Variants in COL6A6 observed in about 807,000 individuals in gnomAD.
The protein encoded by COL6A6 is collagen alpha-6(VI) chain.
COL6A6 carries 183 observed loss-of-function variants against 208.6 expected under a neutral mutation model. That is an observed-to-expected ratio of 0.88 (90% CI 0.78 to 0.99). The LOEUF is 0.99. Among genes scored for constraint, COL6A6 ranks in the 50% least tolerant of loss-of-function variants. COL6A6 has a pLI of 0.00. For missense variants in COL6A6, 2,816 were observed against 2,815.2 expected, an observed-to-expected ratio of 1.00 and a Z score of -0.01; for synonymous variants, 973 against 1,011.8, an observed-to-expected ratio of 0.96 and a Z score of 0.73.
chr3:130,565,319 T>A lies in COL6A6; in HGVS notation c.987T>A (p.Asn329Lys). ...GTGCACGGAATGGCAGTCGGAAGAATCAGGGGGTGCCCCAGATTGCCGTGC... is the reference window on the plus strand; with the variant it reads ...GTGCACGGAATGGCAGTCGGAAGAAACAGGGGGTGCCCCAGATTGCCGTGC... ...VFSARNGSRK[N>K]QGVPQIAVLV... Residue 329 changes from asparagine (N) to lysine (K), a missense_variant, in exon 4 of 37, where the codon AAT becomes AAA. Transcript: ENST00000358511. 6.2e-7 allele frequency: 1 copy of A among 1,613,952 alleles called. No homozygotes were observed. The highest frequency in any genetic ancestry group is 8.5e-7 in the Non-Finnish European group (1 of 1,179,880).
Position 130,517,357 on chromosome 3 carries a change from T to C in COL6A6, c.-72T>C, listed in dbSNP as rs1483669283. Among the ~76,000 whole-genome samples, 3 of 152,228 alleles carry C rather than the reference T, an allele frequency of 2.0e-5. No homozygotes were observed. Among genetic ancestry groups the C allele is most frequent in the Non-Finnish European group, 4.4e-5 (3 of 68,034 alleles). On this transcript the variant is annotated 5_prime_UTR_variant, in exon 1 of 37. Transcript: ENST00000358511. ...TCCAGAGGAAATCCGCCCCGGGCTT[T>C]CGAAGTGCAGGGCTGGGGGCTGCAT...
chr3:130,576,851 A>G (rs892736311), intron 8 of COL6A6, among the ~76,000 whole-genome samples: 21 of 152,198 alleles, frequency 1.4e-4, no homozygotes, highest in Admixed American at 5.2e-4. Context: ...ATCCCAAAAC[A>G]AGGAAATCAG....
chr3:130,546,600 G>C (rs190971814), intron 1 of COL6A6, among the ~76,000 whole-genome samples: 2 of 152,306 alleles, frequency 1.3e-5, no homozygotes, highest in East Asian at 3.9e-4. Flanking sequence ...AGAGCTGATT[G>C]GTCCATTTTA....
At chr3:130,526,935 T>C (rs1052657458) in intron 1 of COL6A6, among the ~76,000 whole-genome samples, 1 of 152,188 alleles carries the variant, frequency 6.6e-6, no homozygotes, top group Admixed American at 6.5e-5. Context: ...GATAAATACA[T>C]AAACTAAAAC....
chr3:130,610,720 T>C lies in COL6A6; in HGVS notation c.4815+9T>C. On this transcript the variant is annotated intron_variant, in intron 23 of 36. Transcript: ENST00000358511. ...GAAGTAAAGGTCCCCAGGTATGTAA[T>C]GAGAAAAATGATTGCATCTGACTTT... The C allele has an allele frequency of 6.4e-7, 1 of 1,561,882 alleles. No individual in the cohort carries two copies. Among genetic ancestry groups the C allele is most frequent in the South Asian group, 1.2e-5 (1 of 84,410 alleles).
chr3:130,576,154 C>T (rs962234655), intron 8 of COL6A6, among the ~76,000 whole-genome samples: 1 of 152,164 alleles, frequency 6.6e-6, no homozygotes, highest in African/African-American at 2.4e-5. Flanking sequence ...GCGTGATTGC[C>T]TCTTCTTTGT....
At chr3:130,565,860 C>T (rs893204392) in intron 4 of COL6A6, among the ~76,000 whole-genome samples, 1 of 152,280 alleles carries the variant, frequency 6.6e-6, no homozygotes, top group Admixed American at 6.5e-5. Context: ...GGATTTGTTA[C>T]TCATCCATGT....
intron 1 of COL6A6, among the ~76,000 whole-genome samples, chr3:130,558,276 C>T (rs757483494): frequency 3.9e-5 from 6 of 152,140 alleles, no homozygotes; most frequent in Non-Finnish European, 8.8e-5. Flanking sequence ...CCCTACCTCC[C>T]GAGCATGACC....
chr3:130,660,730 A>T (rs2065911289), intron 34 of COL6A6, among the ~76,000 whole-genome samples: 1 of 152,202 alleles, frequency 6.6e-6, no homozygotes, highest in Non-Finnish European at 1.5e-5. Flanking sequence ...ACCAGAACCC[A>T]AGCATCCCAG....
At chr3:130,536,842 TA>T (rs2062236727) in intron 1 of COL6A6, among the ~76,000 whole-genome samples, 1 of 152,218 alleles carries the variant, frequency 6.6e-6, no homozygotes, top group Non-Finnish European at 1.5e-5. Context: ...ACTTGAATAA[TA>T]TGTAATTGGC....
intron 28 of COL6A6, among the ~76,000 whole-genome samples, chr3:130,636,209 G>T (rs536750083): frequency 1.5e-5 from 1 of 67,254 alleles, no homozygotes; most frequent in Non-Finnish European, 2.3e-5. Flanking sequence ...GCTCAAGGAG[G>T]TTATCTCTTG....
intron 18 of COL6A6, 56 bp downstream of exon 18, chr3:130,594,399 A>C: frequency 7.4e-7 from 1 of 1,350,036 alleles, no homozygotes; most frequent in Non-Finnish European, 1.0e-6. Context: ...CGTACTTCTG[A>C]TAGGGAGTCT....
intron 6 of COL6A6, among the ~76,000 whole-genome samples, chr3:130,569,789 A>C (rs892667213): frequency 6.6e-6 from 1 of 152,222 alleles, no homozygotes; most frequent in African/African-American, 2.4e-5. Flanking sequence ...TCCCAAGTAC[A>C]GCCAGCCTTT....
intron 36 of COL6A6, among the ~76,000 whole-genome samples, chr3:130,673,176 C>A: frequency 9.9e-6 from 1 of 100,542 alleles, no homozygotes; most frequent in Non-Finnish European, 1.8e-5. Flanking sequence ...AAGACTCTAT[C>A]TCAAAAAAAA....
In COL6A6 at chr3:130,571,314, C is replaced by T; in HGVS notation, c.2898C>T (p.Tyr966=). 2 of 1,613,698 alleles carry T rather than the reference C, an allele frequency of 1.2e-6. No homozygotes were observed. Among genetic ancestry groups the T allele is most frequent in the Non-Finnish European group, 1.7e-6 (2 of 1,179,788 alleles). ...CCATGGCAGGATCAAGCGACAAGTA[C>T]TTCTTCGTGGAGACTTTTGGAGGTC... The part of the protein sequence containing the change: ...LLAMAGSSDK[Y]FFVETFGGLK... Residue 966 remains tyrosine, a synonymous_variant, in exon 7 of 37, where the codon TAC becomes TAT. Transcript: ENST00000358511.
At position 130,650,610 on chromosome 3, in the gene COL6A6, CAAAAA is replaced by C. The variant is rs3074296; in HGVS notation, c.5733+1055_5733+1059del. Among the ~76,000 whole-genome samples the C allele has an allele frequency of 2.7e-3, 340 of 128,022 alleles. 5 individuals carry two copies. In the East Asian group the frequency reaches 0.057, roughly 22 times the overall value. 84.0% of individuals were successfully genotyped at this position (128,022 alleles called of 152,430 possible). On this transcript the variant is annotated intron_variant, in intron 33 of 36. Coordinates refer to ENST00000358511, the MANE Select transcript of COL6A6 (RefSeq NM_001102608.3). Reference sequence around the variant, plus strand: ...GGGTGACAGAGTGAGCCTCTGTCTCCAAAAAAAAAAAGAAAAAAGAAAAAGGCCAG... The same window carrying C: ...GGGTGACAGAGTGAGCCTCTGTCTCCAAAAAAGAAAAAAGAAAAAGGCCAG...
chr3:130,571,442 TGA>T, intron 7 of COL6A6, 49 bp downstream of exon 7: 2 of 1,386,096 alleles, frequency 1.4e-6, no homozygotes, highest in Admixed American at 2.5e-5. Context: ...GAGGGACAAA[TGA>T]GAGAGAAAGC....
rs751111160 is a variant in COL6A6 at position 130,568,058 on chromosome 3, A to G, written c.1855A>G (p.Met619Val). The G allele has an allele frequency of 8.1e-6, 13 of 1,608,004 alleles. No individual in the cohort carries two copies. Among genetic ancestry groups the G allele is most frequent in the Admixed American group, 3.4e-5 (2 of 59,132 alleles). Residue 619 changes from methionine to valine, a missense_variant, in exon 6 of 37, where the codon ATG (methionine) becomes GTG (valine). By Grantham distance (21) the Met-to-Val change is conservative. Coordinates refer to ENST00000358511, the MANE Select transcript of COL6A6 (RefSeq NM_001102608.3). Reference sequence around the variant, plus strand: ...TTTTTCCTATGCAGCTTGCAAAGAGATGAAAGCTGACATCATGTTTCTGGT... The same window carrying G: ...TTTTTCCTATGCAGCTTGCAAAGAGGTGAAAGCTGACATCATGTTTCTGGT... ...EICTEEACKE[M>V]KADIMFLVDS...
chr3:130,675,404 G>C lies in COL6A6; in HGVS notation c.*7G>C, dbSNP rs747820265. On this transcript the variant is annotated 3_prime_UTR_variant, in exon 37 of 37. Coordinates refer to ENST00000358511, the MANE Select transcript of COL6A6 (RefSeq NM_001102608.3). ...TCCCAAACAACATGATTAAAAAAAT[G>C]CTTGAACAACTTAGCCTTAGGAAGC... is the stretch of plus-strand genomic sequence containing the variant. 2 of 1,562,344 alleles carry C rather than the reference G, an allele frequency of 1.3e-6. No individual in the cohort carries two copies. The highest frequency in any genetic ancestry group is 2.7e-5 in the African/African-American group (2 of 73,246).
Sources: allele counts gnomAD v4.1 joint callset (sites outside exome capture counted in the v4.1 genomes callset), GRCh38; gene constraint gnomAD v4.1.1; transcripts MANE v1.5; gene names NCBI Gene and HGNC (gene_info 2026-07-23, HGNC 2026-07-21).